Variants in SCML4 observed in about 807,000 individuals in gnomAD.
The protein encoded by SCML4 is Scm polycomb group protein like 4, also known as sex comb on midleg-like protein 4.
Under a neutral mutation model 41.1 loss-of-function variants are expected in SCML4, and 34 were observed. The ratio of observed to expected loss-of-function variants is 0.83; its 90% CI spans 0.63 to 1.10. The LOEUF (loss-of-function observed/expected upper bound fraction) is 1.10, where lower values mean the gene tolerates loss of function less well. Ranked by LOEUF, SCML4 falls within the 50% of genes least tolerant of loss-of-function variation. The pLI, the probability that SCML4 is intolerant of heterozygous loss-of-function variation, is 0.00. For synonymous variants in SCML4, 214 were observed against 220.9 expected (o/e 0.97, Z 0.28); for missense variants, 522 against 534.1 (o/e 0.98, Z 0.22).
intron 1 of SCML4, 91 bp from the exon 2 acceptor site, chr6:107,772,477 G>T: frequency 1.5e-6 from 1 of 676,764 alleles, no homozygotes; most frequent in Non-Finnish European, 2.4e-6. Context: ...TGATTTTGGC[G>T]ATACCTACCA....
intron 1 of SCML4, among the ~76,000 whole-genome samples, chr6:107,799,173 A>G (rs765176719): frequency 2.8e-4 from 42 of 152,330 alleles, no homozygotes; most frequent in Admixed American, 1.2e-3. Context: ...ATCTGCAACC[A>G]TAATTGTGAA....
Position 107,806,430 on chromosome 6 carries a change from C to T in SCML4, c.-60+17696G>A, listed in dbSNP as rs574271305. 2.6e-5 allele frequency among the ~76,000 whole-genome samples: 4 copies of T among 152,170 alleles called. 1 individual carries two copies. Among genetic ancestry groups the T allele is most frequent in the Admixed American group, 6.5e-5 (1 of 15,284 alleles). Reference sequence around the variant, plus strand: ...TCCTCGATGCTTAATAATTATGTGTCGGGCTCACTAATTAACAAATATAAG... The same window carrying T: ...TCCTCGATGCTTAATAATTATGTGTTGGGCTCACTAATTAACAAATATAAG... On this transcript the variant is annotated intron_variant, in intron 1 of 7. Transcript: ENST00000369020.
rs575333639 is a variant in SCML4, at chr6:107,721,940, C to A, written c.683-947G>T. ...GGAGAGGACTTAGAAAGTCTGCCAACCTCATCATCAGCGCCTCTTAAGTAA... is the reference window on the plus strand; with the variant it reads ...GGAGAGGACTTAGAAAGTCTGCCAAACTCATCATCAGCGCCTCTTAAGTAA... On this transcript the variant is annotated intron_variant, in intron 5 of 7. Coordinates refer to ENST00000369020, the MANE Select transcript of SCML4 (RefSeq NM_198081.5). Among the ~76,000 whole-genome samples the A allele has an allele frequency of 5.3e-5, 8 of 151,894 alleles. No individual in the cohort carries two copies. In the South Asian group the frequency reaches 1.5e-3, roughly 28 times the overall value.
intron 5 of SCML4, among the ~76,000 whole-genome samples, chr6:107,743,013 T>A (rs1777729727): frequency 6.6e-6 from 1 of 152,162 alleles, no homozygotes; most frequent in Admixed American, 6.5e-5. Context: ...AACATATAAA[T>A]AGAGGCAACT....
rs79329566 is a variant in SCML4, at chr6:107,751,454, A to T, written c.157-1641T>A. On this transcript the variant is annotated intron_variant, in intron 2 of 7. Transcript: ENST00000369020. ...AACTGTAGGGAGGCCAGAGTGAGACAGGAGAGGTAATAAAGCCAGGTTGGG... is the reference window on the plus strand; with the variant it reads ...AACTGTAGGGAGGCCAGAGTGAGACTGGAGAGGTAATAAAGCCAGGTTGGG... 5.1e-3 allele frequency among the ~76,000 whole-genome samples: 772 copies of T among 152,290 alleles called. 12 individuals carry two copies. In the East Asian group the frequency reaches 0.063, roughly 12 times the overall value.
chr6:107,839,186 G>A, the SCML4 span, among the ~76,000 whole-genome samples: 653 of 151,874 alleles, frequency 4.3e-3, 4 homozygotes, highest in African/African-American at 0.015. Flanking sequence ...TCACCTATTC[G>A]GGAGGTTGAA....
intron 5 of SCML4, among the ~76,000 whole-genome samples, chr6:107,729,943 C>A (rs939999984): frequency 1.3e-5 from 2 of 152,162 alleles, no homozygotes; most frequent in Admixed American, 1.3e-4. Flanking sequence ...CTATGAATCT[C>A]ATTGCCTAAA....
At chr6:107,751,936 A>G (rs1343418526) in intron 2 of SCML4, among the ~76,000 whole-genome samples, 1 of 152,174 alleles carries the variant, frequency 6.6e-6, no homozygotes, top group African/African-American at 2.4e-5. Context: ...CCCGACCAAC[A>G]GTCTTTCTGA....
intron 2 of SCML4, among the ~76,000 whole-genome samples, chr6:107,770,628 A>G (rs549337819): frequency 4.6e-4 from 70 of 152,348 alleles, no homozygotes; most frequent in Admixed American, 7.8e-4. Context: ...AACCAACCCA[A>G]AGATTTCTTC....
At chr6:107,705,846 A>G (rs1437727659) in intron 7 of SCML4, among the ~76,000 whole-genome samples, 2 of 152,188 alleles carry the variant, frequency 1.3e-5, no homozygotes, top group Non-Finnish European at 2.9e-5. Context: ...GGAATACACT[A>G]AAGAATGCCC....
intron 1 of SCML4, among the ~76,000 whole-genome samples, chr6:107,801,086 T>C (rs140108525): frequency 6.6e-6 from 1 of 152,372 alleles, no homozygotes; most frequent in East Asian, 1.9e-4. Flanking sequence ...GTTTTTTATA[T>C]TAAAACTTCC....
intron 1 of SCML4, among the ~76,000 whole-genome samples, chr6:107,777,314 C>T (rs1293147180): frequency 6.6e-6 from 1 of 152,130 alleles, no homozygotes; most frequent in African/African-American, 2.4e-5. Context: ...GACGGGGTTT[C>T]ACCATGTTTG....
upstream of SCML4, among the ~76,000 whole-genome samples, chr6:107,825,950 A>AAG (rs1554227996): frequency 1.3e-5 from 2 of 149,786 alleles, no homozygotes; most frequent in African/African-American, 4.9e-5. Context: ...AAAAAAAAAA[A>AAG]AAAAAAGAAA....
At chr6:107,779,549 G>C (rs116617724) in intron 1 of SCML4, among the ~76,000 whole-genome samples, 5 of 152,298 alleles carry the variant, frequency 3.3e-5, no homozygotes, top group African/African-American at 1.2e-4. Context: ...AGGATGCCTA[G>C]CCTCTGCTGG....
chr6:107,729,149 T>C (rs1472408891), intron 5 of SCML4, among the ~76,000 whole-genome samples: 4 of 152,174 alleles, frequency 2.6e-5, no homozygotes, highest in Non-Finnish European at 4.4e-5. Context: ...TTTCCTAGGA[T>C]TGCAGAAACT....
rs1213648359 is a variant in SCML4 at position 107,771,714 on chromosome 6, A to G, written c.156+458T>C. 2.0e-5 allele frequency among the ~76,000 whole-genome samples: 3 copies of G among 152,226 alleles called. No individual in the cohort carries two copies. The East Asian group carries it at 5.8e-4, about 29-fold the overall frequency. On this transcript the variant is annotated intron_variant, in intron 2 of 7. Coordinates refer to ENST00000369020, the MANE Select transcript of SCML4 (RefSeq NM_198081.5). ...AGGTTCTGTTTGGGAAGACTTTCCC[A>G]TGTCCTTTGACACTGGCCTGCTCAC...
At chr6:107,803,787 A>C (rs1251901685) in intron 1 of SCML4, among the ~76,000 whole-genome samples, 2 of 150,850 alleles carry the variant, frequency 1.3e-5, no homozygotes, top group Non-Finnish European at 2.9e-5. Flanking sequence ...TGCTGTGTCC[A>C]CTCAGGGTTG....
chr6:107,783,872 T>C (rs1322413979), intron 1 of SCML4, among the ~76,000 whole-genome samples: 1 of 152,170 alleles, frequency 6.6e-6, no homozygotes, highest in Non-Finnish European at 1.5e-5. Flanking sequence ...TACTAGAAAC[T>C]GCTCCTGGTC....
chr6:107,770,339 T>A (rs1036296952), intron 2 of SCML4, among the ~76,000 whole-genome samples: 3 of 152,178 alleles, frequency 2.0e-5, no homozygotes, highest in Non-Finnish European at 4.4e-5. Context: ...TTGAACTTCA[T>A]GAAGACTTTC....
Sources: allele counts gnomAD v4.1 joint callset (sites outside exome capture counted in the v4.1 genomes callset), GRCh38; gene constraint gnomAD v4.1.1; transcripts MANE v1.5; gene names NCBI Gene and HGNC (gene_info 2026-07-23, HGNC 2026-07-21).